The following RAVER2 variants were observed in gnomAD, a reference collection of about 807,000 sequenced individuals.
RAVER2 encodes the protein ribonucleoprotein PTB-binding 2.
In RAVER2, 46 loss-of-function variants were observed where a neutral mutation model predicts 78.1. That is an observed-to-expected ratio of 0.59 (90% CI 0.46 to 0.75). RAVER2 has a LOEUF of 0.75. Ranked by LOEUF, RAVER2 falls within the 30% of genes least tolerant of loss-of-function variation. The pLI, the probability that RAVER2 is intolerant of heterozygous loss-of-function variation, is 0.00. For synonymous variants in RAVER2, 311 were observed against 313.3 expected, an observed-to-expected ratio of 0.99 and a Z score of 0.08; for missense variants, 793 against 837.5, an observed-to-expected ratio of 0.95 and a Z score of 0.66.
chr1:64,814,185 C>T (rs1055245906), intron 10 of RAVER2, among the ~76,000 whole-genome samples: 5 of 152,166 alleles, frequency 3.3e-5, no homozygotes, highest in African/African-American at 1.2e-4. Flanking sequence ...ACCTCCACTT[C>T]CTGGGTTCAA....
chr1:64,816,295 C>A (rs1259716915), intron 11 of RAVER2: 1 of 152,148 alleles, frequency 6.6e-6, no homozygotes, highest in Non-Finnish European at 1.5e-5. Flanking sequence ...TGTATGTCTT[C>A]TGCCTCCACA....
At chr1:64,747,398 T>A (rs1484071100) in intron 1 of RAVER2, among the ~76,000 whole-genome samples, 2 of 152,222 alleles carry the variant, frequency 1.3e-5, no homozygotes, top group Non-Finnish European at 2.9e-5. Context: ...ATATTTACCC[T>A]TATGAAATGG....
At chr1:64,799,151 T>A (rs568240205) in intron 5 of RAVER2, among the ~76,000 whole-genome samples, 1 of 152,316 alleles carries the variant, frequency 6.6e-6, no homozygotes, top group South Asian at 2.1e-4. Context: ...GAGCTCAACT[T>A]TTTTAGCTCC....
chr1:64,825,613 T>G (rs1291033561), intron 11 of RAVER2, among the ~76,000 whole-genome samples: 4 of 152,210 alleles, frequency 2.6e-5, no homozygotes, highest in African/African-American at 9.6e-5. Context: ...TGAGGGATAG[T>G]CAAGATTCCC....
At chr1:64,826,757 T>A (rs1654012670) in intron 11 of RAVER2, among the ~76,000 whole-genome samples, 1 of 152,096 alleles carries the variant, frequency 6.6e-6, no homozygotes, top group Non-Finnish European at 1.5e-5. Flanking sequence ...GTTAGGGAGC[T>A]GCTGTGGTAC....
chr1:64,772,425 CAAAGCTTCTACCATAT>C (rs1652343533), intron 2 of RAVER2, among the ~76,000 whole-genome samples: 1 of 152,064 alleles, frequency 6.6e-6, no homozygotes, highest in Non-Finnish European at 1.5e-5. Flanking sequence ...TCATCTAACA[CAAAGCTTCTACCATAT>C]GTCATGCACC....
intron 1 of RAVER2, among the ~76,000 whole-genome samples, chr1:64,752,001 A>G (rs1342386125): frequency 6.6e-6 from 1 of 152,208 alleles, no homozygotes; most frequent in Non-Finnish European, 1.5e-5. Flanking sequence ...AGAAGTCGGA[A>G]GATCAGATCA....
At chr1:64,828,538 A>G (rs1654050305) in intron 11 of RAVER2, among the ~76,000 whole-genome samples, 1 of 152,148 alleles carries the variant, frequency 6.6e-6, no homozygotes. Flanking sequence ...CAAAATTTTA[A>G]ATCATCATTC....
chr1:64,794,797 A>G (rs1570562772), intron 5 of RAVER2, among the ~76,000 whole-genome samples: 2 of 151,990 alleles, frequency 1.3e-5, no homozygotes, highest in East Asian at 3.9e-4. Context: ...GTGTCTTTTG[A>G]GGAGCAAAAT....
At chr1:64,814,792 A>G (rs1653714753) in exon 11 of RAVER2, 12 of 1,590,232 alleles carry the variant, frequency 7.5e-6, no homozygotes, top group Non-Finnish European at 1.0e-5. Context: ...CACAACACGC[A>G]TTGGAAAAGT....
exon 12 of RAVER2, chr1:64,830,944 T>C (rs1156760739): frequency 1.9e-6 from 3 of 1,613,846 alleles, no homozygotes; most frequent in Admixed American, 1.7e-5. Flanking sequence ...CACAGGAGCA[T>C]ATTACATGGA....
At chr1:64,793,106 G>A (rs1652989828) in intron 5 of RAVER2, among the ~76,000 whole-genome samples, 1 of 152,176 alleles carries the variant, frequency 6.6e-6, no homozygotes. Flanking sequence ...GGGAGGCTAA[G>A]GCAGGAGAAT....
intron 9 of RAVER2, among the ~76,000 whole-genome samples, chr1:64,812,400 TAGAC>T (rs549443437): frequency 1.0e-3 from 151 of 148,358 alleles, no homozygotes; most frequent in African/African-American, 2.4e-3. Context: ...GATAGATAGA[TAGAC>T]AGACAGACAG....
intron 2 of RAVER2, among the ~76,000 whole-genome samples, chr1:64,773,204 A>G (rs1428461998): frequency 2.0e-5 from 3 of 152,082 alleles, no homozygotes; most frequent in Non-Finnish European, 4.4e-5. Context: ...TTTTTTTAAT[A>G]TACTTAAAGT....
chr1:64,776,757 A>G (rs1652475213), intron 2 of RAVER2, among the ~76,000 whole-genome samples: 1 of 152,192 alleles, frequency 6.6e-6, no homozygotes, highest in Admixed American at 6.5e-5. Flanking sequence ...AACCTTTTAT[A>G]TTCTTTTATT....
chr1:64,799,113 T>C (rs1455876307), intron 5 of RAVER2, among the ~76,000 whole-genome samples: 4 of 152,222 alleles, frequency 2.6e-5, no homozygotes, highest in Non-Finnish European at 5.9e-5. Flanking sequence ...CAGACTCTAA[T>C]AACCATGATT....
intron 11 of RAVER2, among the ~76,000 whole-genome samples, chr1:64,822,724 A>T (rs1422483250): frequency 6.6e-6 from 1 of 152,222 alleles, no homozygotes; most frequent in Non-Finnish European, 1.5e-5. Flanking sequence ...TCTGTACACA[A>T]ATGTGTACAT....
At chr1:64,746,711 C>T (rs1570517511) in intron 1 of RAVER2, among the ~76,000 whole-genome samples, 1 of 152,192 alleles carries the variant, frequency 6.6e-6, no homozygotes, top group African/African-American at 2.4e-5. Flanking sequence ...CTTTCCATTC[C>T]GCCATGGTCC....
At chr1:64,832,696 A>ATGAC (rs1450438546) in exon 12 of RAVER2, 1 of 152,194 alleles carries the variant, frequency 6.6e-6, no homozygotes, top group African/African-American at 2.4e-5. Context: ...CTGTTGGAAA[A>ATGAC]TGACTGACAG....
Sources: allele counts gnomAD v4.1 joint callset (sites outside exome capture counted in the v4.1 genomes callset), GRCh38; gene constraint gnomAD v4.1.1; transcripts MANE v1.5; gene names NCBI Gene and HGNC (gene_info 2026-07-23, HGNC 2026-07-21).